LRRTM4: variants seen among roughly 807,000 people sequenced by gnomAD.
LRRTM4 encodes the protein leucine rich repeat transmembrane neuronal 4, also known as leucine-rich repeat transmembrane neuronal protein 4.
A neutral mutation model predicts 47.6 loss-of-function variants in LRRTM4; 25 were observed. The ratio of observed to expected loss-of-function variants is 0.53; its 90% CI spans 0.38 to 0.73. LRRTM4 has a LOEUF of 0.73. LRRTM4 is among the 30% of genes least tolerant of loss of function. The probability of loss-of-function intolerance (pLI) is 0.00; values close to 1 mark genes in which losing one functional copy is unlikely to be tolerated. For synonymous variants in LRRTM4, 311 were observed against 269.5 expected (o/e 1.15, Z -1.51); for missense variants, 638 against 713.4 (o/e 0.89, Z 1.20).
At chr2:77,299,389 G>C (rs1258149887) in intron 3 of LRRTM4, among the ~76,000 whole-genome samples, 2 of 150,872 alleles carry the variant, frequency 1.3e-5, no homozygotes, top group Non-Finnish European at 3.0e-5. Context: ...ATATATGTGT[G>C]TATATATACG....
At chr2:77,114,537 A>G (rs1228140327) in intron 3 of LRRTM4, among the ~76,000 whole-genome samples, 1 of 152,140 alleles carries the variant, frequency 6.6e-6, no homozygotes, top group East Asian at 1.9e-4. Context: ...ACCAGAGGGA[A>G]TCAGGTTCCC....
At chr2:76,954,793 A>T (rs1447864503) in intron 3 of LRRTM4, among the ~76,000 whole-genome samples, 1 of 151,896 alleles carries the variant, frequency 6.6e-6, no homozygotes, top group Non-Finnish European at 1.5e-5. Flanking sequence ...GCAATATGAG[A>T]AAAGCAACTC....
intron 3 of LRRTM4, among the ~76,000 whole-genome samples, chr2:76,866,749 T>C (rs1026341516): frequency 6.6e-6 from 1 of 152,226 alleles, no homozygotes; most frequent in Admixed American, 6.5e-5. Context: ...CTATCATTGA[T>C]GGGCATTTGG....
chr2:76,820,196 C>G (rs1336911962), intron 3 of LRRTM4, among the ~76,000 whole-genome samples: 1 of 151,838 alleles, frequency 6.6e-6, no homozygotes, highest in Non-Finnish European at 1.5e-5. Flanking sequence ...TCTAAGTTCT[C>G]ATGTTGCATG....
chr2:77,266,218 G>A lies in LRRTM4; in HGVS notation c.1551+252100C>T, dbSNP rs113128025. Reference sequence around the variant, plus strand: ...AAGATTGCTTATCTCTGATCTAGATGTAAAGGAAGACTCTTTAAAACATGA... The same window carrying A: ...AAGATTGCTTATCTCTGATCTAGATATAAAGGAAGACTCTTTAAAACATGA... On this transcript the variant is annotated intron_variant, in intron 3 of 3. Coordinates refer to ENST00000409884, the MANE Select transcript of LRRTM4 (RefSeq NM_001134745.3). 5.5e-3 allele frequency among the ~76,000 whole-genome samples: 835 copies of A among 152,272 alleles called. 5 individuals carry two copies. The highest frequency in any genetic ancestry group is 0.019 in the African/African-American group (788 of 41,564).
At chr2:76,765,618 G>C (rs538651413) in intron 3 of LRRTM4, among the ~76,000 whole-genome samples, 1 of 152,166 alleles carries the variant, frequency 6.6e-6, no homozygotes, top group African/African-American at 2.4e-5. Context: ...GTACAAAGGA[G>C]AGGTCATGTG....
At chr2:77,219,390 C>T (rs533837401) in intron 3 of LRRTM4, among the ~76,000 whole-genome samples, 1 of 152,164 alleles carries the variant, frequency 6.6e-6, no homozygotes, top group South Asian at 2.1e-4. Flanking sequence ...CAAAAAACAC[C>T]AGAAGGCCTC....
intron 3 of LRRTM4, among the ~76,000 whole-genome samples, chr2:77,116,956 C>T (rs990014300): frequency 1.3e-5 from 2 of 152,030 alleles, no homozygotes; most frequent in African/African-American, 2.4e-5. Flanking sequence ...CAGACATATA[C>T]ACACACACAT....
chr2:76,804,330 C>T (rs968634966), intron 3 of LRRTM4, among the ~76,000 whole-genome samples: 1 of 152,018 alleles, frequency 6.6e-6, no homozygotes, highest in East Asian at 1.9e-4. Context: ...TATATGTCTA[C>T]CTTTTGATTT....
At chr2:76,909,828 T>C (rs1176512890) in intron 3 of LRRTM4, among the ~76,000 whole-genome samples, 3 of 152,098 alleles carry the variant, frequency 2.0e-5, no homozygotes, top group African/African-American at 7.2e-5. Flanking sequence ...ATGGCAATCA[T>C]TAAAAAGGCA....
rs1049649848 is a variant in LRRTM4 at position 77,086,401 on chromosome 2, A to G, written c.1552-337485T>C. ...ATTTTGCATATTTTTTACTTTTTAA[A>G]CATTTTTAGTGTGTGTATGTGTGTG... On this transcript the variant is annotated intron_variant, in intron 3 of 3. Transcript: ENST00000409884. Among the ~76,000 whole-genome samples the G allele has an allele frequency of 3.9e-5, 4 of 103,384 alleles. No homozygotes were observed. In the South Asian group the frequency reaches 1.3e-3, roughly 33 times the overall value. The allele number at this position is 103,384 out of a possible 152,430, so 67.8% of individuals were successfully genotyped here.
intron 3 of LRRTM4, among the ~76,000 whole-genome samples, chr2:77,290,601 A>T (rs951762447): frequency 6.6e-6 from 1 of 152,170 alleles, no homozygotes; most frequent in African/African-American, 2.4e-5. Context: ...GATGATGGAT[A>T]TCCCAATTAC....
intron 3 of LRRTM4, among the ~76,000 whole-genome samples, chr2:77,408,353 G>T (rs529877356): frequency 6.6e-6 from 1 of 152,152 alleles, no homozygotes; most frequent in African/African-American, 2.4e-5. Context: ...ATTTATCATG[G>T]TTTAAGATAT....
At chr2:76,997,185 C>T (rs1245270683) in intron 3 of LRRTM4, among the ~76,000 whole-genome samples, 1 of 152,106 alleles carries the variant, frequency 6.6e-6, no homozygotes, top group African/African-American at 2.4e-5. Flanking sequence ...GAAGCTCAAT[C>T]AAATGGGCTT....
intron 3 of LRRTM4, among the ~76,000 whole-genome samples, chr2:76,785,463 G>C (rs1299739423): frequency 6.6e-6 from 1 of 152,104 alleles, no homozygotes; most frequent in African/African-American, 2.4e-5. Context: ...TTTTAGTTGA[G>C]ATAGAAAAGC....
chr2:77,092,029 G>A (rs1572953578), intron 3 of LRRTM4, among the ~76,000 whole-genome samples: 1 of 152,154 alleles, frequency 6.6e-6, no homozygotes, highest in East Asian at 1.9e-4. Flanking sequence ...GCGTGCAGCG[G>A]CTGCCACTGC....
At chr2:77,495,314 A>G (rs13382266) in intron 3 of LRRTM4, among the ~76,000 whole-genome samples, 16,140 of 151,980 alleles carry the variant, frequency 0.11, 1,428 homozygotes, top group African/African-American at 0.22. Flanking sequence ...TTGATCTGTC[A>G]TTTTTATTTT....
intron 3 of LRRTM4, among the ~76,000 whole-genome samples, chr2:76,951,351 T>C (rs1055317522): frequency 6.6e-6 from 1 of 152,046 alleles, no homozygotes; most frequent in African/African-American, 2.4e-5. Context: ...GTCACTTTTT[T>C]CTAGGTATCG....
In LRRTM4 at chr2:77,441,674, T is replaced by C. The variant is rs148263074; in HGVS notation, c.1551+76644A>G. ...CATAGTTCTAGATACATAGTTGATA[T>C]ATAGAATCACAAAATATCTTATTTC... On this transcript the variant is annotated intron_variant, in intron 3 of 3. Transcript: ENST00000409884. Among the ~76,000 whole-genome samples, 59 of 152,302 alleles carry C rather than the reference T, an allele frequency of 3.9e-4. 1 individual carries two copies. In the East Asian group the frequency reaches 0.011, roughly 27 times the overall value.
Sources: gnomAD v4.1 joint callset for allele counts (sites outside exome capture counted in the v4.1 genomes callset) on GRCh38, gnomAD v4.1.1 for gene constraint, MANE v1.5 for transcripts, NCBI Gene and HGNC (gene_info 2026-07-23, HGNC 2026-07-21) for gene names.